MPDZ: variants seen among roughly 807,000 people sequenced by gnomAD.
The protein encoded by MPDZ is multiple PDZ domain crumbs cell polarity complex component, also known as multiple PDZ domain protein.
Under a neutral mutation model 239.1 loss-of-function variants are expected in MPDZ, and 234 were observed. The ratio of observed to expected loss-of-function variants is 0.98; its 90% CI spans 0.88 to 1.09. MPDZ has a LOEUF of 1.09. Among genes scored for constraint, MPDZ ranks in the 50% least tolerant of loss-of-function variants. The pLI is 0.00. For missense variants in MPDZ, 3,175 were observed against 2,510.0 expected, an observed-to-expected ratio of 1.26 and a Z score of -5.66; for synonymous variants, 1,048 against 881.3, an observed-to-expected ratio of 1.19 and a Z score of -3.35.
intron 24 of MPDZ, among the ~76,000 whole-genome samples, chr9:13,157,682 T>C (rs913580878): frequency 1.3e-5 from 2 of 152,024 alleles, no homozygotes; most frequent in Non-Finnish European, 2.9e-5. Flanking sequence ...GCCTATCTAG[T>C]TTCTACAAAT....
chr9:13,231,790 T>A (rs926508964), intron 3 of MPDZ, among the ~76,000 whole-genome samples: 2 of 152,020 alleles, frequency 1.3e-5, no homozygotes, highest in Non-Finnish European at 2.9e-5. Context: ...TAACAAGGAT[T>A]ATACTAGACA....
chr9:13,204,988 A>T, intron 12 of MPDZ, 48 bp downstream of exon 12: 1 of 1,231,070 alleles, frequency 8.1e-7, no homozygotes, highest in Non-Finnish European at 1.1e-6. Flanking sequence ...ATCATTTCTA[A>T]AAAAGAAAAA....
At chr9:13,109,856 C>T (rs375428752) in intron 45 of MPDZ, 96 bp downstream of exon 45, 28 of 924,612 alleles carry the variant, frequency 3.0e-5, no homozygotes, top group Admixed American at 8.1e-5. Flanking sequence ...TTTACCTGTA[C>T]GTAATTCCTA....
intron 32 of MPDZ, among the ~76,000 whole-genome samples, chr9:13,129,378 G>A (rs557724616): frequency 9.0e-5 from 13 of 143,912 alleles, no homozygotes; most frequent in South Asian, 2.5e-4. Context: ...CAGGAGAATC[G>A]CTTGAACCCG....
At chr9:13,107,237 A>G in intron 46 of MPDZ, 126 bp from the exon 47 acceptor site, 1 of 986,330 alleles carries the variant, frequency 1.0e-6, no homozygotes, top group South Asian at 2.3e-5. Context: ...CCAGTGCTCC[A>G]TGGGTGCTCT....
At chr9:13,159,590 C>G (rs1333344057) in intron 23 of MPDZ, among the ~76,000 whole-genome samples, 1 of 152,082 alleles carries the variant, frequency 6.6e-6, no homozygotes, top group Non-Finnish European at 1.5e-5. Context: ...AGAATTAGAA[C>G]TTAGAAACAG....
intron 46 of MPDZ, 95 bp downstream of exon 46, chr9:13,108,841 G>T: frequency 8.0e-7 from 1 of 1,245,116 alleles, no homozygotes; most frequent in Non-Finnish European, 1.1e-6. Flanking sequence ...TTAACCATTT[G>T]GCATTACCTC....
chr9:13,260,198 T>C (rs945884895), intron 1 of MPDZ, among the ~76,000 whole-genome samples: 5 of 151,960 alleles, frequency 3.3e-5, no homozygotes, highest in Admixed American at 3.3e-4. Flanking sequence ...TTTAGAAAGA[T>C]CACTCTGGCA....
chr9:13,266,535 A>C (rs1971832949), intron 1 of MPDZ, among the ~76,000 whole-genome samples: 1 of 152,226 alleles, frequency 6.6e-6, no homozygotes, highest in Non-Finnish European at 1.5e-5. Flanking sequence ...AGAAGAAATC[A>C]ACAATTTTTT....
chr9:13,166,573 G>C (rs768194344), intron 22 of MPDZ, among the ~76,000 whole-genome samples: 1 of 152,094 alleles, frequency 6.6e-6, no homozygotes, highest in Non-Finnish European at 1.5e-5. Flanking sequence ...CTCACTGACT[G>C]AATGAATGGA....
At chr9:13,199,734 T>G (rs13292314) in intron 12 of MPDZ, among the ~76,000 whole-genome samples, 22,110 of 152,104 alleles carry the variant, frequency 0.15, 1,753 homozygotes, top group African/African-American at 0.18. Context: ...ATTGAATGCT[T>G]CTTCAGCATC....
intron 43 of MPDZ, 27 bp from the exon 44 acceptor site, chr9:13,110,767 T>A (rs747004295): frequency 8.9e-6 from 14 of 1,574,426 alleles, no homozygotes; most frequent in Non-Finnish European, 3.5e-6. Flanking sequence ...GAAACAGCCA[T>A]CTGCTAAAGC....
chr9:13,147,825 C>A lies in MPDZ; in HGVS notation c.3631-167G>T, dbSNP rs145956912. Among the ~76,000 whole-genome samples, 949 of 152,164 alleles carry A rather than the reference C, an allele frequency of 6.2e-3. 10 individuals carry two copies. The highest frequency in any genetic ancestry group is 0.021 in the African/African-American group (864 of 41,544). ...GCTGCAGAACTTTCTGTCTGTCCAG[C>A]AGACTTGTGGTCCCTTGCTTTGGAC... On this transcript the variant is annotated intron_variant, in intron 25 of 46. Coordinates refer to ENST00000319217, the MANE Select transcript of MPDZ (RefSeq NM_001378778.1).
At chr9:13,269,339 A>G (rs1972474048) in intron 1 of MPDZ, among the ~76,000 whole-genome samples, 1 of 152,186 alleles carries the variant, frequency 6.6e-6, no homozygotes, top group African/African-American at 2.4e-5. Context: ...ACAGGAAATA[A>G]TTGAATTTTA....
intron 38 of MPDZ, chr9:13,120,444 A>G (rs1187773931): frequency 6.6e-6 from 1 of 152,216 alleles, no homozygotes; most frequent in Non-Finnish European, 1.5e-5. Context: ...CCCAAGGCAC[A>G]GAGTTTAGGG....
chr9:13,154,027 A>G lies in MPDZ; in HGVS notation c.3453-3339T>C, dbSNP rs115471234. Reference sequence around the variant, plus strand: ...TTTTCACATCATACCTATAAGGTAGACATTCTTACTGGCCCCATTTTACAA... The same window carrying G: ...TTTTCACATCATACCTATAAGGTAGGCATTCTTACTGGCCCCATTTTACAA... On this transcript the variant is annotated intron_variant, in intron 24 of 46. Coordinates refer to ENST00000319217, the MANE Select transcript of MPDZ (RefSeq NM_001378778.1). Among the ~76,000 whole-genome samples, 1,515 of 152,286 alleles carry G rather than the reference A, an allele frequency of 9.9e-3. 32 individuals carry two copies. Among genetic ancestry groups the G allele is most frequent in the African/African-American group, 0.034 (1,429 of 41,572 alleles).
Position 13,193,152 on chromosome 9 carries a change from A to C in MPDZ, c.1803+15T>G, listed in dbSNP as rs563580310. 11 of 1,499,750 alleles carry C rather than the reference A, an allele frequency of 7.3e-6. No individual in the cohort carries two copies. The South Asian group carries it at 1.4e-4, about 19-fold the overall frequency. 92.9% of individuals were successfully genotyped at this position (1,499,750 alleles called of 1,614,324 possible). On this transcript the variant is annotated intron_variant, in intron 14 of 46. Coordinates refer to ENST00000319217, the MANE Select transcript of MPDZ (RefSeq NM_001378778.1). ...GTCTTATTTAAGGAGGAGAAGGAAC[A>C]GCATAGCTCCTTACTTCCAATAGCT...
intron 1 of MPDZ, among the ~76,000 whole-genome samples, chr9:13,273,395 C>G (rs1224115938): frequency 6.6e-6 from 1 of 152,168 alleles, no homozygotes. Flanking sequence ...GATAGCTTCT[C>G]ATGACCATTT....
rs564157634 is a variant in MPDZ at position 13,234,542 on chromosome 9, T to C, written c.184-9959A>G. On this transcript the variant is annotated intron_variant, in intron 3 of 46. Coordinates refer to ENST00000319217, the MANE Select transcript of MPDZ (RefSeq NM_001378778.1). ...TTTGACTTATTCTCAATACACAGTA[T>C]AGCAGTAAGAATAAAATGACCAAAA... 1.2e-4 allele frequency among the ~76,000 whole-genome samples: 18 copies of C among 152,286 alleles called. No individual in the cohort carries two copies. The South Asian group carries it at 3.5e-3, about 30-fold the overall frequency.
Sources: gnomAD v4.1 joint callset for allele counts (sites outside exome capture counted in the v4.1 genomes callset) on GRCh38, gnomAD v4.1.1 for gene constraint, MANE v1.5 for transcripts, NCBI Gene and HGNC (gene_info 2026-07-23, HGNC 2026-07-21) for gene names.